Variants in PPP3CA observed in about 807,000 individuals in gnomAD.
PPP3CA encodes protein phosphatase 3 catalytic subunit alpha.
PPP3CA carries 14 observed loss-of-function variants against 66.5 expected under a neutral mutation model. That is an observed-to-expected ratio of 0.21 (90% CI 0.14 to 0.33). The LOEUF is 0.33. Among genes scored for constraint, PPP3CA ranks in the 10% least tolerant of loss-of-function variants. PPP3CA has a pLI of 1.00. For missense variants in PPP3CA, 317 were observed against 639.5 expected (o/e 0.50, Z 5.44); for synonymous variants, 232 against 226.2 (o/e 1.03, Z -0.23).
At chr4:101,057,605 G>A (rs1453314273) in intron 10 of PPP3CA, among the ~76,000 whole-genome samples, 3 of 152,058 alleles carry the variant, frequency 2.0e-5, no homozygotes, top group African/African-American at 4.8e-5. Context: ...ATGCTGGCCC[G>A]GCAGTTTCCA....
intron 2 of PPP3CA, among the ~76,000 whole-genome samples, chr4:101,125,426 G>C (rs1029240589): frequency 6.6e-6 from 1 of 152,050 alleles, no homozygotes. Flanking sequence ...GCAAAACTAT[G>C]CCATGAAATA....
intron 1 of PPP3CA, among the ~76,000 whole-genome samples, chr4:101,344,407 G>T (rs1216438576): frequency 3.9e-5 from 6 of 152,044 alleles, no homozygotes; most frequent in African/African-American, 1.4e-4. Flanking sequence ...TATTCTACAA[G>T]AAAACAGGAT....
chr4:101,345,760 G>C (rs994892239), intron 1 of PPP3CA, among the ~76,000 whole-genome samples: 1 of 152,156 alleles, frequency 6.6e-6, no homozygotes, highest in Non-Finnish European at 1.5e-5. Flanking sequence ...CTCTTTGCCA[G>C]CAACCTCAGT....
At chr4:101,059,243 T>C (rs992434358) in intron 10 of PPP3CA, among the ~76,000 whole-genome samples, 1 of 152,154 alleles carries the variant, frequency 6.6e-6, no homozygotes, top group Non-Finnish European at 1.5e-5. Flanking sequence ...GCACAAAATG[T>C]CCATTGATCT....
chr4:101,101,449 G>C (rs990689163), intron 3 of PPP3CA, among the ~76,000 whole-genome samples: 3 of 152,158 alleles, frequency 2.0e-5, no homozygotes, highest in African/African-American at 7.2e-5. Context: ...ACCTTAATCT[G>C]AAAGTAATAT....
intron 1 of PPP3CA, among the ~76,000 whole-genome samples, chr4:101,233,904 T>C (rs1445797665): frequency 6.6e-6 from 1 of 151,620 alleles, no homozygotes; most frequent in African/African-American, 2.4e-5. Flanking sequence ...TTTCTGATCT[T>C]CTCCCTCCTC....
At chr4:101,053,414 T>C (rs1053748103) in intron 10 of PPP3CA, among the ~76,000 whole-genome samples, 1 of 152,126 alleles carries the variant, frequency 6.6e-6, no homozygotes, top group African/African-American at 2.4e-5. Flanking sequence ...TGCTCTGTCA[T>C]CACTCCTATT....
chr4:101,139,704 T>G (rs1250848061), intron 2 of PPP3CA, among the ~76,000 whole-genome samples: 2 of 149,062 alleles, frequency 1.3e-5, no homozygotes, highest in East Asian at 2.0e-4. Flanking sequence ...GTGTTTTTTT[T>G]TTTTTTTTTT....
rs189186297 is a variant in PPP3CA, at chr4:101,157,667, T to C, written c.259+38249A>G. 3.9e-5 allele frequency among the ~76,000 whole-genome samples: 6 copies of C among 152,256 alleles called. No individual in the cohort carries two copies. In the East Asian group the frequency reaches 1.2e-3, roughly 29 times the overall value. On this transcript the variant is annotated intron_variant, in intron 2 of 13. Coordinates refer to ENST00000394854, the MANE Select transcript of PPP3CA (RefSeq NM_000944.5). ...TGAACTCCTGTCTGGCAGAAGAGAATTGACTTAGATAATTTTGATGTTCTT... is the reference window on the plus strand; with the variant it reads ...TGAACTCCTGTCTGGCAGAAGAGAACTGACTTAGATAATTTTGATGTTCTT...
intron 2 of PPP3CA, among the ~76,000 whole-genome samples, chr4:101,180,551 G>A (rs1199022072): frequency 6.6e-6 from 1 of 152,042 alleles, no homozygotes; most frequent in Non-Finnish European, 1.5e-5. Flanking sequence ...ATTTATTCTG[G>A]AAGTTGACCT....
intron 1 of PPP3CA, among the ~76,000 whole-genome samples, chr4:101,292,103 CACACACA>C (rs2110290084): frequency 6.6e-6 from 1 of 151,140 alleles, no homozygotes; most frequent in South Asian, 2.1e-4. Context: ...CACACACACA[CACACACA>C]CACACACACA....
intron 2 of PPP3CA, among the ~76,000 whole-genome samples, chr4:101,150,769 T>G (rs924829001): frequency 4.6e-5 from 7 of 152,180 alleles, no homozygotes; most frequent in African/African-American, 1.7e-4. Context: ...ATTCTACAAA[T>G]TAATATTAAT....
At chr4:101,213,566 A>C (rs1210526590) in intron 1 of PPP3CA, among the ~76,000 whole-genome samples, 1 of 152,158 alleles carries the variant, frequency 6.6e-6, no homozygotes, top group Non-Finnish European at 1.5e-5. Context: ...TGAGGTTTTC[A>C]ACTTAAAAAA....
chr4:101,250,232 A>G, intron 1 of PPP3CA: 1 of 363,562 alleles, frequency 2.8e-6, no homozygotes, highest in African/African-American at 2.2e-5. Flanking sequence ...GTCTGGGTCA[A>G]GGTCACGCAG....
intron 2 of PPP3CA, among the ~76,000 whole-genome samples, chr4:101,170,638 C>T (rs1723846899): frequency 6.6e-6 from 1 of 151,910 alleles, no homozygotes; most frequent in Non-Finnish European, 1.5e-5. Context: ...GTCAACCTCA[C>T]ACCTAGCATC....
chr4:101,042,577 C>T (rs1003748059), intron 10 of PPP3CA, among the ~76,000 whole-genome samples: 4 of 152,066 alleles, frequency 2.6e-5, no homozygotes, highest in Non-Finnish European at 5.9e-5. Flanking sequence ...ACTGTAAGTT[C>T]CTTGAATTAT....
intron 6 of PPP3CA, among the ~76,000 whole-genome samples, chr4:101,084,143 A>G (rs1053121813): frequency 1.3e-5 from 2 of 152,226 alleles, no homozygotes; most frequent in Non-Finnish European, 2.9e-5. Flanking sequence ...CAAGGTACAG[A>G]AAACCAATAT....
At chr4:101,084,808 G>A (rs992946149) in intron 6 of PPP3CA, among the ~76,000 whole-genome samples, 3 of 152,056 alleles carry the variant, frequency 2.0e-5, no homozygotes, top group African/African-American at 4.8e-5. Flanking sequence ...GATAATCATG[G>A]GGCCTCCACT....
At chr4:101,209,066 AAAAC>A (rs1469217106) in intron 1 of PPP3CA, among the ~76,000 whole-genome samples, 3 of 152,200 alleles carry the variant, frequency 2.0e-5, no homozygotes, top group Non-Finnish European at 4.4e-5. Context: ...GATATTCTTC[AAAAC>A]AAACTGTTCA....
Sources: allele counts gnomAD v4.1 joint callset (sites outside exome capture counted in the v4.1 genomes callset), GRCh38; gene constraint gnomAD v4.1.1; transcripts MANE v1.5; gene names NCBI Gene and HGNC (gene_info 2026-07-23, HGNC 2026-07-21).